FAM193A: variants seen among roughly 807,000 people sequenced by gnomAD.
The protein encoded by FAM193A is protein FAM193A.
A neutral mutation model predicts 126.5 loss-of-function variants in FAM193A; 22 were observed. The observed-to-expected ratio is 0.17, with a 90% CI of 0.12 to 0.25. The LOEUF (loss-of-function observed/expected upper bound fraction) is 0.25. FAM193A is among the 10% of genes least tolerant of loss of function. The pLI, the probability that FAM193A is intolerant of heterozygous loss-of-function variation, is 1.00. For synonymous variants in FAM193A, 761 were observed against 646.8 expected (o/e 1.18, Z -2.68); for missense variants, 1,675 against 1,672.8 (o/e 1.00, Z -0.02).
At chr4:2,610,730 T>G (rs1741816016) in intron 2 of FAM193A, among the ~76,000 whole-genome samples, 4 of 152,002 alleles carry the variant, frequency 2.6e-5, no homozygotes, top group African/African-American at 9.7e-5. Context: ...ACTAGGAACA[T>G]TTGAGTATCA....
intron 20 of FAM193A, among the ~76,000 whole-genome samples, chr4:2,723,893 C>G (rs1720441433): frequency 6.6e-6 from 1 of 152,164 alleles, no homozygotes; most frequent in Non-Finnish European, 1.5e-5. Context: ...CCTTGACCAC[C>G]AGGCCCAGGT....
chr4:2,604,974 T>C (rs1741448302), intron 2 of FAM193A, among the ~76,000 whole-genome samples: 1 of 150,942 alleles, frequency 6.6e-6, no homozygotes, highest in African/African-American at 2.4e-5. Flanking sequence ...ATTTTTTTTT[T>C]TTTTTTAAAT....
At chr4:2,590,488 AAAAAAAACAAAAAAAAAC>A (rs1740488407) in intron 1 of FAM193A, among the ~76,000 whole-genome samples, 1 of 75,332 alleles carries the variant, frequency 1.3e-5, no homozygotes, top group African/African-American at 1.2e-4. Context: ...AAAAAAAACA[AAAAAAAACAAAAAAAAAC>A]AAAAAAAAAA....
chr4:2,699,190 A>G (rs1457830957), intron 18 of FAM193A, among the ~76,000 whole-genome samples: 1 of 152,128 alleles, frequency 6.6e-6, no homozygotes, highest in African/African-American at 2.4e-5. Context: ...TGTTCAAGTG[A>G]ATGCATTAGC....
At chr4:2,681,956 C>G (rs558959564) in intron 13 of FAM193A, among the ~76,000 whole-genome samples, 1 of 141,982 alleles carries the variant, frequency 7.0e-6, no homozygotes, top group Admixed American at 7.0e-5. Flanking sequence ...CATCCCTTTA[C>G]TTTTAACTTC....
intron 19 of FAM193A, among the ~76,000 whole-genome samples, chr4:2,703,434 A>T (rs973984751): frequency 3.9e-5 from 6 of 152,114 alleles, no homozygotes; most frequent in African/African-American, 1.4e-4. Flanking sequence ...TTTAATAGAG[A>T]TGAGGTTTCA....
At chr4:2,723,945 C>T (rs1298089447) in intron 20 of FAM193A, among the ~76,000 whole-genome samples, 4 of 152,032 alleles carry the variant, frequency 2.6e-5, no homozygotes, top group African/African-American at 4.8e-5. Flanking sequence ...GGACCACAGG[C>T]GTGCTCCACC....
At chr4:2,680,756 C>T (rs1291982970) in intron 13 of FAM193A, among the ~76,000 whole-genome samples, 10 of 152,136 alleles carry the variant, frequency 6.6e-5, no homozygotes, top group African/African-American at 1.9e-4. Flanking sequence ...ATTCTCCTGC[C>T]TCAGCCTCCC....
intron 16 of FAM193A, among the ~76,000 whole-genome samples, chr4:2,694,120 A>G (rs1307357870): frequency 6.6e-6 from 1 of 152,156 alleles, no homozygotes; most frequent in Non-Finnish European, 1.5e-5. Flanking sequence ...ACTACGCCTA[A>G]ACACTGACAG....
chr4:2,590,711 T>C (rs1448798839), intron 1 of FAM193A, among the ~76,000 whole-genome samples: 1 of 151,596 alleles, frequency 6.6e-6, no homozygotes, highest in Non-Finnish European at 1.5e-5. Context: ...TGTAGTATAA[T>C]GAATATATGA....
At chr4:2,564,180 C>T (rs1405445579) in intron 1 of FAM193A, among the ~76,000 whole-genome samples, 1 of 152,082 alleles carries the variant, frequency 6.6e-6, no homozygotes, top group African/African-American at 2.4e-5. Flanking sequence ...CACCCAGGCT[C>T]AAGTGATTCT....
chr4:2,617,262 A>ATATATATCTTT (rs1553895173), intron 2 of FAM193A, among the ~76,000 whole-genome samples: 1 of 25,076 alleles, frequency 4.0e-5, no homozygotes, highest in South Asian at 1.0e-3. Context: ...ATATATATAT[A>ATATATATCTTT]TTTTTTTTTT....
At position 2,617,262 on chromosome 4, in the gene FAM193A, A is replaced by ATATAT. The variant is rs1553895173; in HGVS notation, c.502-7999_502-7998insATATT. On this transcript the variant is annotated intron_variant, in intron 2 of 20. Transcript: ENST00000637812. The stretch of plus-strand genomic sequence containing the variant: ...TTATTATATATATATATATATATAT[A>ATATAT]TTTTTTTTTTTTTTTTTTTTTTGAG... Among the ~76,000 whole-genome samples the ATATAT allele has an allele frequency of 4.0e-4, 10 of 25,072 alleles. 2 individuals are homozygous for ATATAT. The highest frequency in any genetic ancestry group is 5.7e-4 in the Non-Finnish European group (9 of 15,816). The allele number at this position is 25,072 out of a possible 152,430, so 16.4% of individuals were successfully genotyped here.
At chr4:2,722,878 G>C (rs1577277479) in intron 20 of FAM193A, among the ~76,000 whole-genome samples, 3 of 152,210 alleles carry the variant, frequency 2.0e-5, no homozygotes, top group African/African-American at 7.2e-5. Flanking sequence ...GCCCAGGCTG[G>C]TCTGGAACTC....
intron 2 of FAM193A, among the ~76,000 whole-genome samples, chr4:2,619,224 T>A (rs192935590): frequency 6.6e-6 from 1 of 152,218 alleles, no homozygotes; most frequent in Non-Finnish European, 1.5e-5. Flanking sequence ...CTTGAACATA[T>A]GGAGTTTCTT....
At chr4:2,655,774 A>G (rs936561609) in intron 7 of FAM193A, among the ~76,000 whole-genome samples, 1 of 151,878 alleles carries the variant, frequency 6.6e-6, no homozygotes, top group Admixed American at 6.6e-5. Flanking sequence ...TCTACAAGGA[A>G]AAAAAAATTA....
chr4:2,718,681 T>A (rs181143966), intron 20 of FAM193A, among the ~76,000 whole-genome samples: 8 of 152,200 alleles, frequency 5.3e-5, no homozygotes, highest in African/African-American at 1.7e-4. Flanking sequence ...GAGCCAAGAT[T>A]GTGCATCTAC....
intron 6 of FAM193A, among the ~76,000 whole-genome samples, chr4:2,645,621 G>C (rs900240878): frequency 6.6e-6 from 1 of 151,950 alleles, no homozygotes; most frequent in African/African-American, 2.4e-5. Flanking sequence ...CTGCCTCCCA[G>C]GTTCAAGCGA....
intron 1 of FAM193A, among the ~76,000 whole-genome samples, chr4:2,548,334 G>A (rs1737698178): frequency 6.6e-6 from 1 of 152,038 alleles, no homozygotes; most frequent in Non-Finnish European, 1.5e-5. Flanking sequence ...GCCTCCCAAA[G>A]TACTGGGATT....
Sources: gnomAD v4.1 joint callset for allele counts (sites outside exome capture counted in the v4.1 genomes callset) on GRCh38, gnomAD v4.1.1 for gene constraint, MANE v1.5 for transcripts, NCBI Gene and HGNC (gene_info 2026-07-23, HGNC 2026-07-21) for gene names.